Variants in PHLDB3 observed in about 807,000 individuals in gnomAD.
PHLDB3 encodes the protein pleckstrin homology-like domain family B member 3.
PHLDB3 carries 86 observed loss-of-function variants against 85.7 expected under a neutral mutation model. That is an observed-to-expected ratio of 1.00 (90% CI 0.84 to 1.20). The LOEUF (loss-of-function observed/expected upper bound fraction) is 1.20, where lower values mean the gene tolerates loss of function less well. Among genes scored for constraint, PHLDB3 ranks in the 50% most tolerant of loss-of-function variants. PHLDB3 has a pLI of 0.00. For synonymous variants in PHLDB3, 376 were observed against 349.8 expected (o/e 1.07, Z -0.83); for missense variants, 995 against 873.0 (o/e 1.14, Z -1.76).
chr19:43,494,656 C>T (rs1341115116), intron 9 of PHLDB3, 46 bp downstream of exon 9: 1 of 1,465,010 alleles, frequency 6.8e-7, no homozygotes, highest in Non-Finnish European at 9.4e-7. Context: ...TCCCTCCTCA[C>T]TGACCAATAA....
chr19:43,498,862 T>C (rs1168001452), intron 4 of PHLDB3, among the ~76,000 whole-genome samples: 8 of 151,844 alleles, frequency 5.3e-5, no homozygotes, highest in Admixed American at 5.2e-4. Flanking sequence ...TGCATGAAAG[T>C]TGAAAAGTAC....
Position 43,478,092 on chromosome 19 carries a change from C to CTGG in PHLDB3, c.1740_1742dup (p.Phe580_Gln581insHis). On this transcript the variant is annotated inframe_insertion, in exon 15 of 16. Coordinates refer to ENST00000292140, the MANE Select transcript of PHLDB3 (RefSeq NM_198850.4). ...GGTCATAATAGACTTCCTCAATGGC[C>CTGG]TGGAAGTAGATGACACCTTTGAGCT... 6.2e-7 allele frequency: 1 copy of CTGG among 1,613,528 alleles called. No individual in the cohort carries two copies. The highest frequency in any genetic ancestry group is 8.5e-7 in the Non-Finnish European group (1 of 1,179,640).
chr19:43,493,718 C>G (rs1362436996), intron 9 of PHLDB3, among the ~76,000 whole-genome samples: 1 of 150,476 alleles, frequency 6.6e-6, no homozygotes, highest in Non-Finnish European at 1.5e-5. Flanking sequence ...AATACCCTGA[C>G]TTATTACACA....
chr19:43,486,585 G>A lies in PHLDB3; in HGVS notation c.1428+24C>T, dbSNP rs772851991. ...AGAGGCTGGGGCAGTCTTCTGTTCC[G>A]AAGAGGATGGCCTGGGCTCTCACCC... On this transcript the variant is annotated intron_variant, in intron 12 of 15. Transcript: ENST00000292140. 2.4e-5 allele frequency: 39 copies of A among 1,606,260 alleles called. No individual in the cohort carries two copies. In the East Asian group the frequency reaches 4.7e-4, roughly 19 times the overall value.
intron 13 of PHLDB3, among the ~76,000 whole-genome samples, chr19:43,481,815 A>G (rs940353788): frequency 6.7e-6 from 1 of 150,370 alleles, no homozygotes; most frequent in Non-Finnish European, 1.5e-5. Context: ...AAGAAAGAAA[A>G]GAAAGAAAAC....
At position 43,486,618 on chromosome 19, in the gene PHLDB3, G is replaced by A. The variant is rs1292514423; in HGVS notation, c.1419C>T (p.Leu473=). The change falls in exon 12 of 16, where the codon CTC becomes CTT. Residue 473 remains leucine (L), a synonymous_variant. Coordinates refer to ENST00000292140, the MANE Select transcript of PHLDB3 (RefSeq NM_198850.4). The part of the protein sequence containing the change: ...QQAMAERERL[L]KAREGTRRGT... The stretch of plus-strand genomic sequence containing the variant: ...TGGCCTGGGCTCTCACCCGGGCCTT[G>A]AGCAGCCGCTCCCTCTCCGCCATGG... 6.2e-7 allele frequency: 1 copy of A among 1,613,160 alleles called. No homozygotes were observed. The highest frequency in any genetic ancestry group is 2.2e-5 in the East Asian group (1 of 44,860).
At chr19:43,503,600 C>A (rs1971672498) in intron 2 of PHLDB3, among the ~76,000 whole-genome samples, 1 of 152,184 alleles carries the variant, frequency 6.6e-6, no homozygotes, top group African/African-American at 2.4e-5. Context: ...AGCCACCTAT[C>A]TGGTTCCTCT....
chr19:43,504,042 T>G lies in PHLDB3; in HGVS notation c.77A>C (p.Gln26Pro), dbSNP rs746797704. The G allele has an allele frequency of 6.2e-7, 1 of 1,613,786 alleles. No individual in the cohort carries two copies. Among genetic ancestry groups the G allele is most frequent in the Non-Finnish European group, 8.5e-7 (1 of 1,179,782 alleles). ...TTCCCGGGACTCCTCGGGATGGCCC[T>G]GGGGCTGGACCTCCACGTCGCATTC... The part of the protein sequence containing the change: ...VPECDVEVQP[Q>P]GHPEESREQE... The change falls in exon 2 of 16, where the codon CAG becomes CCG. Residue 26 changes from glutamine to proline, a missense_variant. Physicochemically the swap from Gln to Pro is moderately conservative, Grantham distance 76 (BLOSUM62 -1). Transcript: ENST00000292140.
chr19:43,500,479 C>T (rs375419739), intron 4 of PHLDB3, among the ~76,000 whole-genome samples: 29 of 152,160 alleles, frequency 1.9e-4, no homozygotes, highest in Admixed American at 3.3e-4. Flanking sequence ...GAAGACACAG[C>T]GGGTAGGAAC....
intron 13 of PHLDB3, 90 bp from the exon 14 acceptor site, chr19:43,479,683 G>A (rs1293979742): frequency 1.2e-6 from 1 of 847,456 alleles, no homozygotes; most frequent in Non-Finnish European, 1.9e-6. Context: ...ATAGCAGCTT[G>A]CATGTAAGGC....
chr19:43,497,228 G>A lies in PHLDB3; in HGVS notation c.715C>T (p.Gln239Ter), dbSNP rs1416333176. 2 of 1,534,592 alleles carry A rather than the reference G, an allele frequency of 1.3e-6. No individual in the cohort carries two copies. The highest frequency in any genetic ancestry group is 2.1e-5 in the Admixed American group (1 of 47,586). ...AQRAYEDLEF[Q>*]QLERESRQEE... ...TGCCGGCTCTCCCGCTCCAGTTGCT[G>A]GAACTCCAGGTCCTCATAGGCACGT... is the stretch of plus-strand genomic sequence containing the variant. The change falls in exon 6 of 16, where the codon CAG (glutamine) becomes TAG (stop). Residue 239 changes from glutamine (Q) to a stop codon, truncating the protein, a stop_gained. Transcript: ENST00000292140. LOFTEE classifies it high-confidence loss of function.
intron 9 of PHLDB3, among the ~76,000 whole-genome samples, chr19:43,490,311 C>G (rs1971284556): frequency 6.6e-6 from 1 of 152,006 alleles, no homozygotes; most frequent in Non-Finnish European, 1.5e-5. Flanking sequence ...GTAATCCTAG[C>G]ACTTTGGGAG....
chr19:43,484,991 G>GACTTA (rs1416575618), intron 13 of PHLDB3, among the ~76,000 whole-genome samples: 6 of 151,392 alleles, frequency 4.0e-5, no homozygotes, highest in Non-Finnish European at 8.8e-5. Context: ...AAATATAGGA[G>GACTTA]TGCAGAAGAC....
rs575715527 is a variant in PHLDB3, at chr19:43,475,404, G to T, written c.*6C>A. 1 of 1,613,600 alleles carries T rather than the reference G, an allele frequency of 6.2e-7. No homozygotes were observed. Among genetic ancestry groups the T allele is most frequent in the African/African-American group, 1.3e-5 (1 of 74,936 alleles). On this transcript the variant is annotated 3_prime_UTR_variant, in exon 16 of 16. Transcript: ENST00000292140. ...AAGGGACTTCCCCCCAAGAGGGCGG[G>T]GCCACTCAGGGGGCGTGGTTTTCGT...
Position 43,479,462 on chromosome 19 carries a change from C to G in PHLDB3, c.1617G>C (p.Leu539=). 1 of 1,564,606 alleles carries G rather than the reference C, an allele frequency of 6.4e-7. No homozygotes were observed. Among genetic ancestry groups the G allele is most frequent in the South Asian group, 1.2e-5 (1 of 84,786 alleles). The change falls in exon 14 of 16, where the codon CTG becomes CTC. Residue 539 remains leucine (L), a synonymous_variant. Transcript: ENST00000292140. ...TCTTGATGCGGCCGCCCATCTTCAC[C>G]AGGGGTCCACGGCAGCAGCACCCAG... ...QVSGCCCRGP[L]VKMGGRIKTW... is the part of the protein sequence containing the mutation.
intron 13 of PHLDB3, among the ~76,000 whole-genome samples, chr19:43,480,971 C>T (rs1333371250): frequency 2.0e-5 from 3 of 152,182 alleles, no homozygotes; most frequent in East Asian, 1.9e-4. Context: ...GGTATGATTC[C>T]GGAGGTCAAA....
At chr19:43,483,559 G>A (rs966068873) in intron 13 of PHLDB3, among the ~76,000 whole-genome samples, 10 of 152,140 alleles carry the variant, frequency 6.6e-5, no homozygotes, top group Non-Finnish European at 1.0e-4. Flanking sequence ...GATTATAGGC[G>A]TGAGCTATGG....
rs767259330 is a variant in PHLDB3 at position 43,486,775 on chromosome 19, C to T, written c.1340+5G>A. 3 of 1,604,824 alleles carry T rather than the reference C, an allele frequency of 1.9e-6. No homozygotes were observed. In the African/African-American group the frequency reaches 4.0e-5, roughly 21 times the overall value. ...CATCTCCCCACCTTCTCTCTGATGT[C>T]TCACCTATTCCCACGGCCACAGTTC... On this transcript the variant is annotated splice_donor_5th_base_variant and intron_variant, in intron 11 of 15. Transcript: ENST00000292140.
intron 14 of PHLDB3, 55 bp downstream of exon 14, chr19:43,479,322 C>G: frequency 6.6e-7 from 1 of 1,518,314 alleles, no homozygotes. Context: ...AGAGGAAAGG[C>G]CTCCGGAGTG....
Sources: gnomAD v4.1 joint callset for allele counts (sites outside exome capture counted in the v4.1 genomes callset) on GRCh38, gnomAD v4.1.1 for gene constraint, MANE v1.5 for transcripts, NCBI Gene and HGNC (gene_info 2026-07-23, HGNC 2026-07-21) for gene names.